The following DNAH14 variants were observed in gnomAD, a reference collection of about 807,000 sequenced individuals.
DNAH14 encodes the protein axonemal beta dynein heavy chain 14.
A neutral mutation model predicts 520.9 loss-of-function variants in DNAH14; 478 were observed. That is an observed-to-expected ratio of 0.92 (90% CI 0.85 to 0.99). DNAH14 has a LOEUF of 0.99. DNAH14 is among the 50% of genes least tolerant of loss of function. DNAH14 has a pLI of 0.00. For missense variants in DNAH14, 4,831 were observed against 5,234.5 expected, an observed-to-expected ratio of 0.92 and a Z score of 2.38; for synonymous variants, 1,581 against 1,757.2, an observed-to-expected ratio of 0.90 and a Z score of 2.51.
In DNAH14 at chr1:225,338,139, A is replaced by T; in HGVS notation, c.10390A>T (p.Ile3464Leu). 2 of 1,551,972 alleles carry T rather than the reference A, an allele frequency of 1.3e-6. No homozygotes were observed. The highest frequency in any genetic ancestry group is 1.7e-6 in the Non-Finnish European group (2 of 1,146,988). The stretch of plus-strand genomic sequence containing the variant: ...CTATCAGAAAAAAGGACACTATTTC[A>T]TAAGGGTTGGTGATGCTGAGTTCGA... Reference protein sequence around the residue: ...DIYQKKGHYFIRVGDAEFEYN... With the variant: ...DIYQKKGHYFLRVGDAEFEYN... The change falls in exon 68 of 86, where the codon ATA becomes TTA. Residue 3464 changes from isoleucine to leucine, a missense_variant. Physicochemically the swap from Ile to Leu is conservative, Grantham distance 5. Coordinates refer to ENST00000682510, the MANE Select transcript of DNAH14 (RefSeq NM_001367479.1).
At chr1:225,275,159 C>A (rs187361619) in intron 52 of DNAH14, among the ~76,000 whole-genome samples, 3 of 152,088 alleles carry the variant, frequency 2.0e-5, no homozygotes, top group Non-Finnish European at 4.4e-5. Context: ...ACCATACCAC[C>A]CCTCAATCTT....
At chr1:225,284,044 T>C (rs1044617269) in intron 54 of DNAH14, among the ~76,000 whole-genome samples, 4 of 152,090 alleles carry the variant, frequency 2.6e-5, no homozygotes, top group African/African-American at 4.8e-5. Flanking sequence ...TAAATACTTA[T>C]ATTTAAAAAG....
intron 34 of DNAH14, 61 bp from the exon 35 acceptor site, chr1:225,159,253 A>C (rs1447418199): frequency 1.5e-6 from 2 of 1,325,110 alleles, no homozygotes; most frequent in Non-Finnish European, 1.0e-6. Flanking sequence ...AATGGTCTTC[A>C]GTGTCTGCAG....
chr1:225,374,006 A>T (rs2095653502), intron 77 of DNAH14, among the ~76,000 whole-genome samples: 1 of 147,728 alleles, frequency 6.8e-6, no homozygotes, highest in African/African-American at 2.5e-5. Flanking sequence ...TGAGGAAAAA[A>T]GCTGAGGTGG....
At chr1:225,338,440 C>T (rs2095108130) in intron 68 of DNAH14, among the ~76,000 whole-genome samples, 1 of 152,108 alleles carries the variant, frequency 6.6e-6, no homozygotes, top group African/African-American at 2.4e-5. Context: ...GAGGAGTCTT[C>T]AGAAGCTATG....
chr1:225,085,725 A>C lies in DNAH14; in HGVS notation c.3509A>C (p.Gln1170Pro). 1 of 1,551,508 alleles carries C rather than the reference A, an allele frequency of 6.4e-7. No individual in the cohort carries two copies. Residue 1170 changes from glutamine to proline, a missense_variant, in exon 21 of 86, where the codon CAG becomes CCG. Transcript: ENST00000682510. Reference sequence around the variant, plus strand: ...CCATCTATAGATGACATATCAGCTCAGTTAGAAGAGTCTCAAGTCATACTT... The same window carrying C: ...CCATCTATAGATGACATATCAGCTCCGTTAGAAGAGTCTCAAGTCATACTT... ...IIPSIDDISA[Q>P]LEESQVILAT...
intron 34 of DNAH14, among the ~76,000 whole-genome samples, chr1:225,154,333 G>T (rs751530302): frequency 6.6e-6 from 1 of 152,006 alleles, no homozygotes; most frequent in African/African-American, 2.4e-5. Context: ...ATATTAAAAG[G>T]ATATTTAGTT....
At chr1:225,129,921 A>T (rs189699176) in intron 27 of DNAH14, among the ~76,000 whole-genome samples, 30 of 152,256 alleles carry the variant, frequency 2.0e-4, no homozygotes, top group African/African-American at 6.7e-4. Flanking sequence ...CCTACTCATC[A>T]GACAAAGGGC....
chr1:225,071,157 A>T (rs2071502065), intron 17 of DNAH14, among the ~76,000 whole-genome samples: 1 of 152,086 alleles, frequency 6.6e-6, no homozygotes, highest in South Asian at 2.1e-4. Flanking sequence ...GTGTTTTTTA[A>T]TTGGGACACT....
intron 35 of DNAH14, among the ~76,000 whole-genome samples, chr1:225,163,137 CAAAAAA>C (rs34356854): frequency 1.5e-4 from 8 of 53,680 alleles, no homozygotes; most frequent in Non-Finnish European, 2.2e-4. Context: ...GACCCTATCT[CAAAAAA>C]AAAAAAAAAA....
intron 75 of DNAH14, among the ~76,000 whole-genome samples, chr1:225,362,302 C>T (rs1011609254): frequency 1.1e-4 from 17 of 151,988 alleles, no homozygotes; most frequent in Admixed American, 7.2e-4. Flanking sequence ...GGGCCGGGCG[C>T]GGTGGCTCAC....
At chr1:225,267,163 TTACTC>T (rs911059726) in intron 49 of DNAH14, among the ~76,000 whole-genome samples, 1 of 152,066 alleles carries the variant, frequency 6.6e-6, no homozygotes, top group African/African-American at 2.4e-5. Context: ...CTATATAAGA[TTACTC>T]TACATCTTTA....
At chr1:225,060,432 G>C (rs2456330) in intron 17 of DNAH14, among the ~76,000 whole-genome samples, 7 of 151,880 alleles carry the variant, frequency 4.6e-5, no homozygotes, top group Non-Finnish European at 1.0e-4. Context: ...TTTTTCAAGG[G>C]TTTTAACTTC....
chr1:224,935,921 T>C (rs933922251), intron 1 of DNAH14, among the ~76,000 whole-genome samples: 1 of 151,686 alleles, frequency 6.6e-6, no homozygotes, highest in African/African-American at 2.4e-5. Flanking sequence ...ACCATAAAAA[T>C]ACATGTAAAT....
rs114464411 is a variant in DNAH14 at position 225,130,875 on chromosome 1, A to G, written c.4254+7261A>G. On this transcript the variant is annotated intron_variant, in intron 27 of 85. Coordinates refer to ENST00000682510, the MANE Select transcript of DNAH14 (RefSeq NM_001367479.1). ...GGAAAAAATGCAATATCTGTGAAGT[A>G]CAATAAAATGAAGCACAATACAACA... Among the ~76,000 whole-genome samples the G allele has an allele frequency of 4.7e-3, 716 of 152,238 alleles. 4 individuals are homozygous for G. Among genetic ancestry groups the G allele is most frequent in the African/African-American group, 0.016 (672 of 41,562 alleles).
Position 225,056,108 on chromosome 1 carries a change from C to T in DNAH14, c.2424+4313C>T, listed in dbSNP as rs189640690. On this transcript the variant is annotated intron_variant, in intron 17 of 85. Transcript: ENST00000682510. ...TAGTTCTAGATCCCTGAGGAATCAC[C>T]ACACTCACTTCCACAATGGTTGAAC... 3.8e-3 allele frequency among the ~76,000 whole-genome samples: 576 copies of T among 152,022 alleles called. 4 individuals carry two copies. Among genetic ancestry groups the T allele is most frequent in the Middle Eastern group, 0.017 (5 of 294 alleles).
chr1:225,277,757 A>G (rs1205616713), intron 54 of DNAH14, among the ~76,000 whole-genome samples: 1 of 152,220 alleles, frequency 6.6e-6, no homozygotes, highest in Admixed American at 6.5e-5. Context: ...GCATTAATAC[A>G]GTAGCTGTGC....
At chr1:224,949,760 A>C (rs145369553) in intron 1 of DNAH14, among the ~76,000 whole-genome samples, 80 of 152,300 alleles carry the variant, frequency 5.3e-4, no homozygotes, top group African/African-American at 1.9e-3. Context: ...TATTTCTTCA[A>C]GACTTAATAC....
chr1:225,257,967 A>G lies in DNAH14; in HGVS notation c.6873A>G (p.Ser2291=). The change falls in exon 45 of 86, where the codon TCA becomes TCG. Residue 2291 remains serine (S), a synonymous_variant. Coordinates refer to ENST00000682510, the MANE Select transcript of DNAH14 (RefSeq NM_001367479.1). ...NDQTLIQRGT[S]LLTNLQRSGG... Reference sequence around the variant, plus strand: ...TTTAAAATGTTAACTTAGGAACTTCATTACTAACTAATCTTCAAAGATCTG... The same window carrying G: ...TTTAAAATGTTAACTTAGGAACTTCGTTACTAACTAATCTTCAAAGATCTG... The G allele has an allele frequency of 3.2e-6, 5 of 1,548,118 alleles. No individual in the cohort carries two copies. The highest frequency in any genetic ancestry group is 4.4e-6 in the Non-Finnish European group (5 of 1,145,596).
Sources: allele counts gnomAD v4.1 joint callset (sites outside exome capture counted in the v4.1 genomes callset), GRCh38; gene constraint gnomAD v4.1.1; transcripts MANE v1.5; gene names NCBI Gene and HGNC (gene_info 2026-07-23, HGNC 2026-07-21).